The following RYR3 variants were observed in gnomAD, a reference collection of about 807,000 sequenced individuals.
RYR3 encodes brain ryanodine receptor-calcium release channel.
In RYR3, 207 loss-of-function variants were observed where a neutral mutation model predicts 584.3. The ratio of observed to expected loss-of-function variants is 0.35; its 90% CI spans 0.32 to 0.40. The LOEUF (loss-of-function observed/expected upper bound fraction) is 0.40. Among genes scored for constraint, RYR3 ranks in the 10% least tolerant of loss-of-function variants. RYR3 has a pLI of 1.00. For missense variants in RYR3, 5,616 were observed against 6,089.2 expected, an observed-to-expected ratio of 0.92 and a Z score of 2.59; for synonymous variants, 2,416 against 2,248.5, an observed-to-expected ratio of 1.07 and a Z score of -2.11.
chr15:33,329,896 A>G (rs1970174564), intron 1 of RYR3, among the ~76,000 whole-genome samples: 2 of 152,158 alleles, frequency 1.3e-5, no homozygotes, highest in Admixed American at 1.3e-4. Context: ...ATAGTCATCA[A>G]AATACAGGAA....
At chr15:33,434,475 T>C (rs2045480497) in intron 1 of RYR3, among the ~76,000 whole-genome samples, 1 of 152,196 alleles carries the variant, frequency 6.6e-6, no homozygotes, top group South Asian at 2.1e-4. Context: ...TGTCTAAAAC[T>C]TATCTTCTCT....
intron 59 of RYR3, 52 bp from the exon 60 acceptor site, chr15:33,757,423 A>G (rs1241630259): frequency 4.3e-5 from 68 of 1,564,982 alleles, no homozygotes; most frequent in Non-Finnish European, 5.9e-5. Context: ...AATGAACCAA[A>G]TGAAGAGTTT....
rs1027571305 is a variant in RYR3, at chr15:33,412,254, C to CT, written c.52-61162dup. On this transcript the variant is annotated intron_variant, in intron 1 of 103. Transcript: ENST00000634891. This position sits in a 1 kb window ranked among gnomAD's most constrained non-coding sequence, Gnocchi z 4.3. ...ATGCAGCTTTTCAATTTAGTAACCC[C>CT]TTTGGCTTGAGGCTGGGAAGGCCAT... Among the ~76,000 whole-genome samples the CT allele has an allele frequency of 3.9e-5, 6 of 152,158 alleles. No homozygotes were observed. The highest frequency in any genetic ancestry group is 1.5e-5 in the Non-Finnish European group (1 of 68,038).
At chr15:33,598,341 T>C (rs2467559) in intron 16 of RYR3, among the ~76,000 whole-genome samples, 65,795 of 151,252 alleles carry the variant, frequency 0.44, 14,866 homozygotes, top group East Asian at 0.79. Flanking sequence ...CACACTTGGA[T>C]GTTAGCCTTT....
At chr15:33,677,435 C>T (rs543066174) in intron 38 of RYR3, among the ~76,000 whole-genome samples, 1 of 152,340 alleles carries the variant, frequency 6.6e-6, no homozygotes, top group South Asian at 2.1e-4. Context: ...AACACATCAG[C>T]AGACGCCCTC....
At chr15:33,853,232 A>T in intron 95 of RYR3, 145 bp downstream of exon 95, 1 of 864,040 alleles carries the variant, frequency 1.2e-6, no homozygotes, top group Non-Finnish European at 1.8e-6. Context: ...AAGGGGTTGG[A>T]TATGAACATA....
intron 18 of RYR3, among the ~76,000 whole-genome samples, chr15:33,612,264 T>A (rs1244450044): frequency 6.6e-6 from 1 of 152,256 alleles, no homozygotes; most frequent in Non-Finnish European, 1.5e-5. Context: ...AGAAGTTTTT[T>A]AATCAATTCA....
chr15:33,553,931 T>G (rs2051252389), intron 10 of RYR3, among the ~76,000 whole-genome samples: 1 of 152,196 alleles, frequency 6.6e-6, no homozygotes, highest in Non-Finnish European at 1.5e-5. Flanking sequence ...TGAGGTTGCC[T>G]TGAGCTCCGG....
Position 33,841,152 on chromosome 15 carries a change from G to A in RYR3, c.13037+269G>A, listed in dbSNP as rs144578189. 5.5e-4 allele frequency among the ~76,000 whole-genome samples: 84 copies of A among 152,254 alleles called. No homozygotes were observed. The East Asian group carries it at 0.011, about 20-fold the overall frequency. On this transcript the variant is annotated intron_variant, in intron 90 of 103. Coordinates refer to ENST00000634891, the MANE Select transcript of RYR3 (RefSeq NM_001036.6). Reference sequence around the variant, plus strand: ...GGATTGCTTGAGCCCAGGAGGTCGAGGCTGCAGTGAGCCAAGATCACATCA... The same window carrying A: ...GGATTGCTTGAGCCCAGGAGGTCGAAGCTGCAGTGAGCCAAGATCACATCA...
chr15:33,367,330 C>A (rs1395588519), intron 1 of RYR3, among the ~76,000 whole-genome samples: 1 of 152,152 alleles, frequency 6.6e-6, no homozygotes, highest in Non-Finnish European at 1.5e-5. Flanking sequence ...CACTTTCTTC[C>A]TTTTTTTCCT....
rs548942321 is a variant in RYR3, at chr15:33,352,580, G to T, written c.51+41484G>T. On this transcript the variant is annotated intron_variant, in intron 1 of 103. Transcript: ENST00000634891. ...CCTAGGAGACTTGGTGCTTCGTTTT[G>T]TCTCTGCTCATTATCAGCTGCGTGG... 2.7e-4 allele frequency among the ~76,000 whole-genome samples: 41 copies of T among 152,266 alleles called. 1 individual carries two copies. Among genetic ancestry groups the T allele is most frequent in the African/African-American group, 8.4e-4 (35 of 41,538 alleles).
chr15:33,628,829 T>C (rs2061128936), intron 21 of RYR3, among the ~76,000 whole-genome samples: 1 of 152,356 alleles, frequency 6.6e-6, no homozygotes. Context: ...AAAAAAGTTG[T>C]CATCTCTGTA....
rs1969547408 is a variant in RYR3, at chr15:33,325,485, T to A, written c.51+14389T>A. Reference sequence around the variant, plus strand: ...CATGTTGCTTAGCTTGTTTCTACTTTTATATTACTCCTGTTTCCTTCTAGT... The same window carrying A: ...CATGTTGCTTAGCTTGTTTCTACTTATATATTACTCCTGTTTCCTTCTAGT... On this transcript the variant is annotated intron_variant, in intron 1 of 103. Transcript: ENST00000634891. Among the ~76,000 whole-genome samples the A allele has an allele frequency of 1.3e-5, 2 of 152,190 alleles. 1 individual carries two copies. Among genetic ancestry groups the A allele is most frequent in the South Asian group, 4.1e-4 (2 of 4,826 alleles).
chr15:33,750,100 G>C (rs1223222754), intron 56 of RYR3, 46 bp downstream of exon 56: 2 of 1,607,484 alleles, frequency 1.2e-6, no homozygotes, highest in Non-Finnish European at 1.7e-6. Context: ...AACCGGGGCA[G>C]CTATGGTCTC....
intron 1 of RYR3, among the ~76,000 whole-genome samples, chr15:33,388,638 A>G (rs987686646): frequency 6.6e-6 from 1 of 152,244 alleles, no homozygotes; most frequent in Non-Finnish European, 1.5e-5. Flanking sequence ...GAGCTACGCT[A>G]TACCATTGGC....
At chr15:33,362,594 C>T (rs112751348) in intron 1 of RYR3, among the ~76,000 whole-genome samples, 2,825 of 152,306 alleles carry the variant, frequency 0.019, 95 homozygotes, top group African/African-American at 0.065. Context: ...AACTCCTAGC[C>T]TGGAAGCCAA....
rs367633815 is a variant in RYR3, at chr15:33,769,162, C to T, written c.8806C>T (p.Leu2936Phe). The T allele has an allele frequency of 6.2e-7, 1 of 1,612,700 alleles. No individual in the cohort carries two copies. Among genetic ancestry groups the T allele is most frequent in the Non-Finnish European group, 8.5e-7 (1 of 1,178,926 alleles). ...VSCLHILAQT[L>F]DTRTVMKSGS... is the part of the protein sequence containing the mutation. ...CTGTCTTCACATCTTAGCTCAGACA[C>T]TTGACACAAGGTAAGTCTGCCCAGT... Residue 2936 changes from leucine (L) to phenylalanine (F), a missense_variant, in exon 62 of 104, where the codon CTT (leucine) becomes TTT (phenylalanine). By Grantham distance (22) the Leu-to-Phe change is conservative (BLOSUM62 0). Coordinates refer to ENST00000634891, the MANE Select transcript of RYR3 (RefSeq NM_001036.6).
At chr15:33,845,554 C>A (rs558510473) in intron 93 of RYR3, among the ~76,000 whole-genome samples, 3 of 152,122 alleles carry the variant, frequency 2.0e-5, no homozygotes, top group African/African-American at 4.8e-5. Flanking sequence ...GCGCCCAGCC[C>A]CTAAGTCCTT....
intron 27 of RYR3, among the ~76,000 whole-genome samples, chr15:33,638,636 AT>A (rs761057471): frequency 6.6e-6 from 1 of 152,216 alleles, no homozygotes; most frequent in Non-Finnish European, 1.5e-5. Context: ...GACACTGGTG[AT>A]TTGCATGCAC....
Sources: allele counts gnomAD v4.1 joint callset (sites outside exome capture counted in the v4.1 genomes callset), GRCh38; gene constraint gnomAD v4.1.1; non-coding constraint Gnocchi (gnomAD v3.1); transcripts MANE v1.5; gene names NCBI Gene and HGNC (gene_info 2026-07-23, HGNC 2026-07-21).